The following FOLH1 variants were observed in gnomAD, a reference collection of about 807,000 sequenced individuals.
The protein encoded by FOLH1 is glutamate carboxypeptidase 2.
FOLH1 carries 54 observed loss-of-function variants against 93.9 expected under a neutral mutation model. The observed-to-expected ratio is 0.57, with a 90% CI of 0.46 to 0.72. The LOEUF is 0.72. Ranked by LOEUF, FOLH1 falls within the 30% of genes least tolerant of loss-of-function variation. The pLI, the probability that FOLH1 is intolerant of heterozygous loss-of-function variation, is 0.00. For missense variants in FOLH1, 571 were observed against 892.5 expected (o/e 0.64, Z 4.59); for synonymous variants, 249 against 303.6 (o/e 0.82, Z 1.87).
chr11:49,194,641 T>A (rs1055443159), intron 3 of FOLH1, among the ~76,000 whole-genome samples: 1 of 151,692 alleles, frequency 6.6e-6, no homozygotes, highest in Admixed American at 6.6e-5. Flanking sequence ...ATATCAGAAT[T>A]ATAAAAAATG....
At chr11:49,174,864 A>G in intron 9 of FOLH1, 28 bp downstream of exon 9, 2 of 1,554,654 alleles carry the variant, frequency 1.3e-6, no homozygotes, top group Non-Finnish European at 8.8e-7. Context: ...TACTTGATCA[A>G]TATTTGCTAA....
intron 4 of FOLH1, among the ~76,000 whole-genome samples, chr11:49,190,842 G>C (rs954642820): frequency 1.3e-4 from 20 of 152,110 alleles, no homozygotes; most frequent in African/African-American, 4.8e-4. Flanking sequence ...TGTTTTTTGA[G>C]ACGGAATCTA....
chr11:49,155,026 G>A (rs1464183839), intron 15 of FOLH1, among the ~76,000 whole-genome samples: 1 of 152,036 alleles, frequency 6.6e-6, no homozygotes, highest in African/African-American at 2.4e-5. Flanking sequence ...AGAGAAGGGA[G>A]GCCCAGACAG....
chr11:49,161,903 G>C (rs893520736), intron 13 of FOLH1, among the ~76,000 whole-genome samples: 2 of 152,160 alleles, frequency 1.3e-5, no homozygotes, highest in Non-Finnish European at 2.9e-5. Context: ...GGTCGGATAT[G>C]AAATTCTGGA....
chr11:49,167,846 A>G (rs1188962982), intron 12 of FOLH1, among the ~76,000 whole-genome samples: 1 of 151,942 alleles, frequency 6.6e-6, no homozygotes, highest in Non-Finnish European at 1.5e-5. Flanking sequence ...AAACAGAAGA[A>G]GAACAGAAAC....
chr11:49,149,102 G>A (rs1393730369), intron 17 of FOLH1, among the ~76,000 whole-genome samples: 3 of 151,982 alleles, frequency 2.0e-5, no homozygotes, highest in African/African-American at 4.8e-5. Flanking sequence ...CACACACCAG[G>A]GCCTGTCGTG....
At chr11:49,177,466 G>A (rs968842367) in intron 7 of FOLH1, among the ~76,000 whole-genome samples, 1 of 151,886 alleles carries the variant, frequency 6.6e-6, no homozygotes, top group Admixed American at 6.6e-5. Flanking sequence ...TGATACAGGA[G>A]GTAGAAAGAA....
intron 7 of FOLH1, among the ~76,000 whole-genome samples, chr11:49,179,505 C>A (rs1860482353): frequency 6.6e-6 from 1 of 151,926 alleles, no homozygotes; most frequent in Non-Finnish European, 1.5e-5. Flanking sequence ...CCTAAATAAC[C>A]AATGGGTCAA....
intron 3 of FOLH1, among the ~76,000 whole-genome samples, chr11:49,195,785 C>T (rs1862554155): frequency 6.6e-6 from 1 of 152,116 alleles, no homozygotes; most frequent in African/African-American, 2.4e-5. Flanking sequence ...AACAACTATA[C>T]TATAAATTTG....
At chr11:49,202,826 C>A (rs778208838) in intron 2 of FOLH1, among the ~76,000 whole-genome samples, 6 of 152,164 alleles carry the variant, frequency 3.9e-5, no homozygotes, top group Non-Finnish European at 8.8e-5. Context: ...GAGGCTGGAG[C>A]TCCAAGCTGC....
At chr11:49,151,760 C>T (rs1194746630) in intron 17 of FOLH1, among the ~76,000 whole-genome samples, 1 of 152,114 alleles carries the variant, frequency 6.6e-6, no homozygotes, top group Non-Finnish European at 1.5e-5. Context: ...CCTAAACAAA[C>T]CACAATTCAA....
rs1855768497 is a variant in FOLH1, at chr11:49,146,207, A to G, written c.*549T>C. On this transcript the variant is annotated 3_prime_UTR_variant, in exon 19 of 19. Coordinates refer to ENST00000256999, the MANE Select transcript of FOLH1 (RefSeq NM_004476.3). ...AAGTGTTCATTTAATTACTATACATATATTTTATACTATAGCCTTTTATAT... is the reference window on the plus strand; with the variant it reads ...AAGTGTTCATTTAATTACTATACATGTATTTTATACTATAGCCTTTTATAT... 6.6e-6 allele frequency among the ~76,000 whole-genome samples: 1 copy of G among 152,208 alleles called. No homozygotes were observed. The highest frequency in any genetic ancestry group is 6.5e-5 in the Admixed American group (1 of 15,272).
At chr11:49,192,528 C>T (rs886320722) in intron 4 of FOLH1, among the ~76,000 whole-genome samples, 3 of 151,998 alleles carry the variant, frequency 2.0e-5, no homozygotes, top group Non-Finnish European at 4.4e-5. Context: ...TTTGGATCAC[C>T]CAGATGTTGG....
At chr11:49,155,393 A>G (rs202689) in intron 15 of FOLH1, among the ~76,000 whole-genome samples, 27,157 of 151,950 alleles carry the variant, frequency 0.18, 2,801 homozygotes, top group African/African-American at 0.27. Flanking sequence ...ATCTGGGAAG[A>G]ATAGCCCATG....
chr11:49,207,365 T>C (rs1283191423), intron 1 of FOLH1, among the ~76,000 whole-genome samples: 1 of 152,224 alleles, frequency 6.6e-6, no homozygotes, highest in East Asian at 1.9e-4. Flanking sequence ...GAGCACAGTG[T>C]GTGGTTCAAA....
intron 11 of FOLH1, 35 bp downstream of exon 11, chr11:49,171,160 A>G: frequency 6.4e-7 from 1 of 1,550,494 alleles, no homozygotes; most frequent in Middle Eastern, 1.8e-4. Context: ...ACTTTATTTT[A>G]TAAAAATTTA....
At chr11:49,207,542 G>A (rs1357140302) in intron 1 of FOLH1, among the ~76,000 whole-genome samples, 3 of 152,186 alleles carry the variant, frequency 2.0e-5, no homozygotes, top group Non-Finnish European at 4.4e-5. Flanking sequence ...AAAGTCCAAT[G>A]AGGAGTATCT....
intron 12 of FOLH1, 145 bp from the exon 13 acceptor site, chr11:49,164,917 C>G: frequency 1.5e-6 from 1 of 678,536 alleles, no homozygotes; most frequent in Admixed American, 2.7e-5. Context: ...CCAACTAACT[C>G]TGTAAAGTCC....
intron 15 of FOLH1, among the ~76,000 whole-genome samples, chr11:49,154,798 G>GA (rs1397742232): frequency 2.0e-5 from 3 of 151,268 alleles, no homozygotes; most frequent in Non-Finnish European, 4.4e-5. Context: ...TTAAGAATCT[G>GA]AAAAAAAAGA....
Sources: gnomAD v4.1 joint callset for allele counts (sites outside exome capture counted in the v4.1 genomes callset) on GRCh38, gnomAD v4.1.1 for gene constraint, MANE v1.5 for transcripts, NCBI Gene and HGNC (gene_info 2026-07-23, HGNC 2026-07-21) for gene names.